The following ADGRL1 variants were observed in gnomAD, a reference collection of about 807,000 sequenced individuals.
The protein encoded by ADGRL1 is CIRL-1.
ADGRL1 carries 31 observed loss-of-function variants against 148.9 expected under a neutral mutation model. The ratio of observed to expected loss-of-function variants is 0.21; its 90% CI spans 0.16 to 0.28. ADGRL1 has a LOEUF of 0.28. Ranked by LOEUF, ADGRL1 falls within the 10% of genes least tolerant of loss-of-function variation. The pLI is 1.00. For missense variants in ADGRL1, 1,521 were observed against 2,058.8 expected (o/e 0.74, Z 5.05); for synonymous variants, 937 against 900.3 (o/e 1.04, Z -0.73).
chr19:14,176,077 C>T (rs1358952313), intron 3 of ADGRL1, among the ~76,000 whole-genome samples: 3 of 151,484 alleles, frequency 2.0e-5, no homozygotes, highest in African/African-American at 7.3e-5. Context: ...ACAGGCCGGG[C>T]GCAGTGGCTT....
Position 14,161,381 on chromosome 19 carries a change from G to C in ADGRL1, c.1441C>G (p.Arg481Gly), listed in dbSNP as rs928754961. ...PELFCEPREVRRVQWPATQQG... is the reference protein window; with the variant it reads ...PELFCEPREVGRVQWPATQQG... ...TGGGTGGCCGGCCACTGGACCCGCC[G>C]TACCTCTCGGGGCTCGCAGAAGAGC... The change falls in exon 6 of 23, where the codon CGG becomes GGG. Residue 481 changes from arginine (R) to glycine (G), a missense_variant. By Grantham distance (125) the Arg-to-Gly change is moderately radical. Transcript: ENST00000361434. The surrounding 1 kb of genome is among the most constrained non-coding windows in gnomAD (Gnocchi z 4.4). 4 of 1,594,150 alleles carry C rather than the reference G, an allele frequency of 2.5e-6. No individual in the cohort carries two copies. The African/African-American group carries it at 5.4e-5, about 22-fold the overall frequency.
chr19:14,156,862 C>T, intron 15 of ADGRL1, 63 bp downstream of exon 15: 2 of 1,575,758 alleles, frequency 1.3e-6, no homozygotes, highest in South Asian at 2.3e-5. Flanking sequence ...GGTCCTGGTC[C>T]AAGGGGTGCC....
rs1969251603 is a variant in ADGRL1 at position 14,160,546 on chromosome 19, C to T, written c.1614+47G>A. 7.0e-7 allele frequency: 1 copy of T among 1,419,842 alleles called. No individual in the cohort carries two copies. The highest frequency in any genetic ancestry group is 9.6e-7 in the Non-Finnish European group (1 of 1,040,966). 88.0% of individuals were successfully genotyped at this position (1,419,842 alleles called of 1,614,324 possible). On this transcript the variant is annotated intron_variant, in intron 7 of 22. Coordinates refer to ENST00000361434, the MANE Select transcript of ADGRL1 (RefSeq NM_014921.5). The surrounding 1 kb of genome is among the most constrained non-coding windows in gnomAD (Gnocchi z 5.9). The stretch of plus-strand genomic sequence containing the variant: ...CACGACCCCCGCTGGGCCCTGGGCC[C>T]TGGGCCCGAGCACATGTGCCTGCCT...
At chr19:14,189,308 C>T (rs113936011) in intron 1 of ADGRL1, among the ~76,000 whole-genome samples, 1,803 of 151,568 alleles carry the variant, frequency 0.012, 35 homozygotes, top group African/African-American at 0.041. Flanking sequence ...GTAACCTCCA[C>T]CTCCCAGGCT....
chr19:14,179,354 C>T (rs996453093), intron 2 of ADGRL1, among the ~76,000 whole-genome samples: 1 of 152,028 alleles, frequency 6.6e-6, no homozygotes, highest in Non-Finnish European at 1.5e-5. Flanking sequence ...ATTAGCTGGG[C>T]ATGGTGGCGG....
rs557942273 is a variant in ADGRL1 at position 14,163,221 on chromosome 19, C to T, written c.580G>A (p.Ala194Thr). ...AGGCGGTAGGTGGTGGTGTGGCGGGCGGCCACGTAGTCCTCCCACGAGGCA... is the reference window on the plus strand; with the variant it reads ...AGGCGGTAGGTGGTGGTGTGGCGGGTGGCCACGTAGTCCTCCCACGAGGCA... Reference protein sequence around the residue: ...EYASWEDYVAARHTTTYRLPN... With the variant: ...EYASWEDYVATRHTTTYRLPN... The change falls in exon 5 of 23, where the codon GCC (alanine) becomes ACC (threonine). Residue 194 changes from alanine to threonine, a missense_variant. Physicochemically the swap from Ala to Thr is moderately conservative, Grantham distance 58. This residue lies in a region of ADGRL1 where 334 missense variants were observed against 512.5 expected (regional missense o/e 0.65). Coordinates refer to ENST00000361434, the MANE Select transcript of ADGRL1 (RefSeq NM_014921.5). 5.0e-6 allele frequency: 8 copies of T among 1,607,812 alleles called. No homozygotes were observed. The highest frequency in any genetic ancestry group is 4.5e-5 in the East Asian group (2 of 44,732).
Position 14,159,824 on chromosome 19 carries a change from C to T in ADGRL1, c.1801-51G>A, listed in dbSNP as rs571428468. ...GGCCAGGCCTCTGGGTGCCGGTTCC[C>T]TCACCCTAATACTGTCACATCTGGA... On this transcript the variant is annotated intron_variant, in intron 8 of 22. Transcript: ENST00000361434. This position sits in a 1 kb window ranked among gnomAD's most constrained non-coding sequence, Gnocchi z 6.0. The T allele has an allele frequency of 4.2e-4, 625 of 1,489,060 alleles. 3 individuals are homozygous for T. The South Asian group carries it at 6.6e-3, about 16-fold the overall frequency. 92.2% of individuals were successfully genotyped at this position (1,489,060 alleles called of 1,614,324 possible).
chr19:14,182,572 C>A (rs1215714470), intron 2 of ADGRL1, among the ~76,000 whole-genome samples: 3 of 152,118 alleles, frequency 2.0e-5, no homozygotes, highest in Non-Finnish European at 1.5e-5. Context: ...GAGTTGAGTC[C>A]CAGCGGGGGG....
intron 18 of ADGRL1, 121 bp from the exon 19 acceptor site, chr19:14,153,033 G>A: frequency 8.5e-7 from 1 of 1,169,884 alleles, no homozygotes. Flanking sequence ...TCCAATGACT[G>A]TGTTCCCCTG....
chr19:14,201,294 G>GTTTTTTTTTTTTTTTTTT (rs748016498), intron 1 of ADGRL1, among the ~76,000 whole-genome samples: 1 of 86,234 alleles, frequency 1.2e-5, no homozygotes. Flanking sequence ...GCTATTCTGA[G>GTTTTTTTTTTTTTTTTTT]TTTTTTTGTT....
chr19:14,185,637 C>G (rs550618037), intron 1 of ADGRL1, among the ~76,000 whole-genome samples: 20 of 152,308 alleles, frequency 1.3e-4, no homozygotes, highest in African/African-American at 4.8e-4. Context: ...GTGGGAACCC[C>G]TGCTCTGTCA....
intron 2 of ADGRL1, among the ~76,000 whole-genome samples, chr19:14,179,610 A>G (rs1971053671): frequency 6.6e-6 from 1 of 151,982 alleles, no homozygotes; most frequent in South Asian, 2.1e-4. Context: ...TCTGTTGCTT[A>G]AGACACATGG....
chr19:14,166,900 G>A (rs187222399), intron 4 of ADGRL1: 19 of 1,111,886 alleles, frequency 1.7e-5, no homozygotes, highest in East Asian at 7.1e-5. Flanking sequence ...GATACCGACC[G>A]GACCAAGTGT....
chr19:14,159,592 G>C lies in ADGRL1; in HGVS notation c.1840-8C>G, dbSNP rs762613968. 1 of 1,594,334 alleles carries C rather than the reference G, an allele frequency of 6.3e-7. No individual in the cohort carries two copies. Among genetic ancestry groups the C allele is most frequent in the Non-Finnish European group, 8.6e-7 (1 of 1,166,138 alleles). Reference sequence around the variant, plus strand: ...CACTGTCTCCACCACGGCCTGCACAGGCAGAGGGCATGGTGCTGTGAGCCC... The same window carrying C: ...CACTGTCTCCACCACGGCCTGCACACGCAGAGGGCATGGTGCTGTGAGCCC... On this transcript the variant is annotated splice_region_variant and splice_polypyrimidine_tract_variant and intron_variant, in intron 9 of 22. Transcript: ENST00000361434. The surrounding 1 kb of genome is among the most constrained non-coding windows in gnomAD (Gnocchi z 6.0).
rs541743189 is a variant in ADGRL1, at chr19:14,184,796, C to T, written c.-95-1099G>A. Among the ~76,000 whole-genome samples, 54 of 151,968 alleles carry T rather than the reference C, an allele frequency of 3.6e-4. 1 individual carries two copies. In the South Asian group the frequency reaches 9.2e-3, roughly 26 times the overall value. On this transcript the variant is annotated intron_variant, in intron 1 of 22. Coordinates refer to ENST00000361434, the MANE Select transcript of ADGRL1 (RefSeq NM_014921.5). ...CTGGGACTACAGGCACCCACCAACA[C>T]GCCCGGCTAATTTTTTGTATTTTTA...
chr19:14,152,416 A>C lies in ADGRL1; in HGVS notation c.3542T>G (p.Leu1181Arg). 6.2e-7 allele frequency: 1 copy of C among 1,601,484 alleles called. No homozygotes were observed. The highest frequency in any genetic ancestry group is 8.5e-7 in the Non-Finnish European group (1 of 1,171,374). The change falls in exon 21 of 23, where the codon CTG (leucine) becomes CGG (arginine). Residue 1181 changes from leucine to arginine, a missense_variant. Leu to Arg is a moderately radical substitution (Grantham distance 102). Transcript: ENST00000361434. The surrounding 1 kb of genome is among the most constrained non-coding windows in gnomAD (Gnocchi z 6.1). ...ACGGGGCTGCAGCACGGGGTTGGTC[A>C]GCAGGTGGTTCCCCATGGTACCTGG... ...LNRGTMGNHLLTNPVLQPRGG... is the reference protein window; with the variant it reads ...LNRGTMGNHLRTNPVLQPRGG...
At chr19:14,204,692 GA>G in intron 1 of ADGRL1, among the ~76,000 whole-genome samples, 2 of 146,734 alleles carry the variant, frequency 1.4e-5, no homozygotes, top group African/African-American at 2.6e-5. Flanking sequence ...GACAGAGAGA[GA>G]TAGAGAAAGA....
intron 2 of ADGRL1, among the ~76,000 whole-genome samples, chr19:14,181,699 G>A (rs560163233): frequency 3.3e-4 from 51 of 152,246 alleles, no homozygotes; most frequent in Middle Eastern, 3.4e-3. Flanking sequence ...CAGCCTGGGC[G>A]ACAAGAGCAA....
At chr19:14,201,986 G>A (rs1972642317) in intron 1 of ADGRL1, among the ~76,000 whole-genome samples, 1 of 152,146 alleles carries the variant, frequency 6.6e-6, no homozygotes, top group East Asian at 1.9e-4. Flanking sequence ...TCAAGAGGGT[G>A]GGGGAGAAAA....
Sources: gnomAD v4.1 joint callset for allele counts (sites outside exome capture counted in the v4.1 genomes callset) on GRCh38, gnomAD v4.1.1 for gene constraint, gnomAD v4.1.1 regional missense constraint, Gnocchi (gnomAD v3.1) non-coding constraint, MANE v1.5 for transcripts, NCBI Gene and HGNC (gene_info 2026-07-23, HGNC 2026-07-21) for gene names.